TRANK1: variants seen among roughly 807,000 people sequenced by gnomAD.
TRANK1 encodes the protein TPR and ankyrin repeat-containing protein 1.
Under a neutral mutation model 266.0 loss-of-function variants are expected in TRANK1, and 198 were observed. The ratio of observed to expected loss-of-function variants is 0.74; its 90% CI spans 0.66 to 0.84. The LOEUF (loss-of-function observed/expected upper bound fraction) is 0.84, where lower values mean the gene tolerates loss of function less well. Ranked by LOEUF, TRANK1 falls within the 40% of genes least tolerant of loss-of-function variation. The pLI, the probability that TRANK1 is intolerant of heterozygous loss-of-function variation, is 0.00. For synonymous variants in TRANK1, 1,396 were observed against 1,384.1 expected (o/e 1.01, Z -0.19); for missense variants, 3,326 against 3,634.6 (o/e 0.92, Z 2.18).
intron 5 of TRANK1, among the ~76,000 whole-genome samples, chr3:36,894,008 C>T (rs925339193): frequency 4.6e-5 from 7 of 152,090 alleles, no homozygotes; most frequent in Non-Finnish European, 8.8e-5. Flanking sequence ...AAACAAGCCT[C>T]GCTGCCCACA....
intron 5 of TRANK1, among the ~76,000 whole-genome samples, chr3:36,895,052 A>G (rs137944903): frequency 2.8e-3 from 419 of 152,330 alleles, no homozygotes; most frequent in African/African-American, 9.4e-3. Flanking sequence ...GGTTTATATA[A>G]TGCAACTTAC....
chr3:36,838,829 G>A, intron 18 of TRANK1, 113 bp from the exon 19 acceptor site: 1 of 1,058,424 alleles, frequency 9.4e-7, no homozygotes, highest in East Asian at 2.6e-5. Flanking sequence ...TCTTGCTCCA[G>A]CCCAATCTGA....
At chr3:36,884,769 C>T (rs1187079446) in intron 8 of TRANK1, among the ~76,000 whole-genome samples, 2 of 151,988 alleles carry the variant, frequency 1.3e-5, no homozygotes, top group Non-Finnish European at 2.9e-5. Flanking sequence ...CCTGTCTCTA[C>T]TAAAAACACA....
intron 1 of TRANK1, among the ~76,000 whole-genome samples, chr3:36,942,175 G>A (rs2080505347): frequency 1.3e-5 from 2 of 152,120 alleles, no homozygotes; most frequent in African/African-American, 4.8e-5. Flanking sequence ...AGTAACTTCA[G>A]GAAAACAGAA....
chr3:36,869,804 T>G (rs1359804559), intron 9 of TRANK1, among the ~76,000 whole-genome samples: 1 of 152,260 alleles, frequency 6.6e-6, no homozygotes, highest in African/African-American at 2.4e-5. Flanking sequence ...TTCAGATGCA[T>G]GAGCCACACA....
intron 3 of TRANK1, among the ~76,000 whole-genome samples, chr3:36,900,873 A>AAAAAAAAAAAAAAAAAAAAAAAAAAAC (rs1162288781): frequency 6.7e-6 from 1 of 148,180 alleles, no homozygotes; most frequent in Non-Finnish European, 1.5e-5. Flanking sequence ...AAAAAAAAAA[A>AAAAAAAAAAAAAAAAAAAAAAAAAAAC]AAAGATAACA....
At chr3:36,890,479 T>C (rs1034773023) in intron 7 of TRANK1, among the ~76,000 whole-genome samples, 11 of 152,208 alleles carry the variant, frequency 7.2e-5, no homozygotes, top group South Asian at 2.1e-4. Context: ...AGAGGCAAGG[T>C]CCAGAGAGAA....
At position 36,892,862 on chromosome 3, in the gene TRANK1, TATATATATAGATATATATAG is replaced by T; in HGVS notation, c.636+19_636+38del. The T allele has an allele frequency of 1.4e-6, 1 of 739,942 alleles. No homozygotes were observed. The highest frequency in any genetic ancestry group is 1.8e-6 in the Non-Finnish European group (1 of 565,856). 45.8% of individuals were successfully genotyped at this position (739,942 alleles called of 1,614,324 possible). Reference sequence around the variant, plus strand: ...CAAAACAAAACAAAACATATATATATATATATATAGATATATATAGATATATATATCACCTTACCTCAAAG... The same window carrying T: ...CAAAACAAAACAAAACATATATATATATATATATATCACCTTACCTCAAAG... On this transcript the variant is annotated intron_variant, in intron 6 of 23. Transcript: ENST00000645898.
At chr3:36,907,265 C>T (rs2079983128) in intron 2 of TRANK1, among the ~76,000 whole-genome samples, 1 of 152,174 alleles carries the variant, frequency 6.6e-6, no homozygotes, top group Non-Finnish European at 1.5e-5. Context: ...ATTCTCCTGC[C>T]TCAGCCTCCC....
rs115042205 is a variant in TRANK1 at position 36,874,221 on chromosome 3, A to G, written c.983T>C (p.Val328Ala). The G allele has an allele frequency of 1.7e-3, 2,619 of 1,537,186 alleles. 39 individuals carry two copies. The African/African-American group carries it at 0.026, about 15-fold the overall frequency. The change falls in exon 9 of 24, where the codon GTT (valine) becomes GCT (alanine). Residue 328 changes from valine to alanine, a missense_variant. Transcript: ENST00000645898. ...PTLLDRQSRS[V>A]VDVLKRNKNF... ...CTTATTCCTCTTCAGGACATCCACA[A>G]CAGACCGAGACTGTCGATCCAGCAA...
At chr3:36,930,721 T>C (rs908737372) in intron 1 of TRANK1, among the ~76,000 whole-genome samples, 2 of 152,134 alleles carry the variant, frequency 1.3e-5, no homozygotes, top group Non-Finnish European at 2.9e-5. Flanking sequence ...TGTGATTCCA[T>C]TTACATGACA....
chr3:36,866,940 A>T (rs1412583823), intron 9 of TRANK1, among the ~76,000 whole-genome samples: 12 of 152,296 alleles, frequency 7.9e-5, no homozygotes, highest in African/African-American at 2.9e-4. Context: ...TCCGGGGCAA[A>T]CACTCATTGC....
intron 1 of TRANK1, among the ~76,000 whole-genome samples, chr3:36,930,656 G>A (rs1358570328): frequency 6.6e-6 from 1 of 152,100 alleles, no homozygotes; most frequent in Non-Finnish European, 1.5e-5. Context: ...GCAACATGAA[G>A]AATCTCAAAA....
At chr3:36,931,637 G>A (rs747659436) in intron 1 of TRANK1, among the ~76,000 whole-genome samples, 25 of 152,306 alleles carry the variant, frequency 1.6e-4, no homozygotes, top group Admixed American at 1.1e-3. Context: ...CCCAGGTCAA[G>A]GCTGCAGTTA....
At chr3:36,870,181 G>A (rs541573649) in intron 9 of TRANK1, among the ~76,000 whole-genome samples, 15 of 152,340 alleles carry the variant, frequency 9.8e-5, no homozygotes, top group South Asian at 6.2e-4. Flanking sequence ...GCTGAAGGGA[G>A]TGGATCACCT....
At chr3:36,937,809 C>T (rs1414654226) in intron 1 of TRANK1, among the ~76,000 whole-genome samples, 1 of 152,138 alleles carries the variant, frequency 6.6e-6, no homozygotes, top group East Asian at 1.9e-4. Flanking sequence ...AAGTTGGGAG[C>T]AGCCCCGAAA....
At chr3:36,837,670 A>G (rs1193896504) in intron 20 of TRANK1, among the ~76,000 whole-genome samples, 1 of 152,256 alleles carries the variant, frequency 6.6e-6, no homozygotes, top group Non-Finnish European at 1.5e-5. Context: ...TGTCAAAGCA[A>G]TGCCAAATGG....
At chr3:36,920,555 G>T (rs959984674) in intron 1 of TRANK1, among the ~76,000 whole-genome samples, 5 of 152,198 alleles carry the variant, frequency 3.3e-5, no homozygotes, top group African/African-American at 9.7e-5. Context: ...TCATCATTCT[G>T]GATAAGCTTC....
intron 8 of TRANK1, among the ~76,000 whole-genome samples, 186 bp from the exon 9 acceptor site, chr3:36,874,482 T>A (rs1236708833): frequency 2.0e-5 from 3 of 152,066 alleles, no homozygotes; most frequent in Non-Finnish European, 2.9e-5. Flanking sequence ...AGGAGTTCTT[T>A]GTGGAGTGGG....
Sources: gnomAD v4.1 joint callset for allele counts (sites outside exome capture counted in the v4.1 genomes callset) on GRCh38, gnomAD v4.1.1 for gene constraint, MANE v1.5 for transcripts, NCBI Gene and HGNC (gene_info 2026-07-23, HGNC 2026-07-21) for gene names.